Variants in HS6ST3 observed in about 807,000 individuals in gnomAD.
HS6ST3 encodes the protein heparan-sulfate 6-O-sulfotransferase 3.
A neutral mutation model predicts 36.7 loss-of-function variants in HS6ST3; 12 were observed. That is an observed-to-expected ratio of 0.33 (90% confidence interval 0.21 to 0.53). The LOEUF (loss-of-function observed/expected upper bound fraction) is 0.53. HS6ST3 is among the 20% of genes least tolerant of loss of function. The probability of loss-of-function intolerance (pLI) is 0.95; values close to 1 mark genes in which losing one functional copy is unlikely to be tolerated. For missense variants in HS6ST3, 584 were observed against 640.9 expected (o/e 0.91, Z 0.96); for synonymous variants, 240 against 257.5 (o/e 0.93, Z 0.65).
At chr13:96,112,582 T>TAC (rs1321584593) in intron 1 of HS6ST3, among the ~76,000 whole-genome samples, 1,744 of 41,642 alleles carry the variant, frequency 0.042, 249 homozygotes, top group African/African-American at 0.083. Context: ...TAAATAAATA[T>TAC]ATATATATAT....
chr13:96,119,707 C>G (rs2053915764), intron 1 of HS6ST3, among the ~76,000 whole-genome samples: 3 of 152,104 alleles, frequency 2.0e-5, no homozygotes, highest in Non-Finnish European at 4.4e-5. Flanking sequence ...GGAGGCTCCT[C>G]TGTCTATTAT....
chr13:96,189,526 T>C (rs939284218), intron 1 of HS6ST3, among the ~76,000 whole-genome samples: 2 of 152,138 alleles, frequency 1.3e-5, no homozygotes, highest in Non-Finnish European at 2.9e-5. Flanking sequence ...TGTGAGGTCC[T>C]CATCTTGAGG....
chr13:96,750,030 A>G (rs992782002), intron 1 of HS6ST3, among the ~76,000 whole-genome samples: 1 of 152,180 alleles, frequency 6.6e-6, no homozygotes, highest in Non-Finnish European at 1.5e-5. Flanking sequence ...TTGTGTAAAG[A>G]GTTTAGTAAC....
intron 1 of HS6ST3, among the ~76,000 whole-genome samples, chr13:96,350,204 C>T (rs2055174965): frequency 6.6e-6 from 1 of 152,184 alleles, no homozygotes; most frequent in African/African-American, 2.4e-5. Context: ...TGAAATAAAT[C>T]CAATTTTCCA....
intron 1 of HS6ST3, among the ~76,000 whole-genome samples, chr13:96,095,517 G>T (rs1329741631): frequency 6.6e-6 from 1 of 152,166 alleles, no homozygotes; most frequent in East Asian, 1.9e-4. Context: ...CAGCCAGAGG[G>T]GAATTATTGG....
At chr13:96,381,864 G>A (rs1425850192) in intron 1 of HS6ST3, among the ~76,000 whole-genome samples, 1 of 152,138 alleles carries the variant, frequency 6.6e-6, no homozygotes, top group African/African-American at 2.4e-5. Flanking sequence ...TTAGACAGGC[G>A]AGATTAACAG....
chr13:96,754,707 G>A (rs901283739), intron 1 of HS6ST3, among the ~76,000 whole-genome samples: 33 of 152,236 alleles, frequency 2.2e-4, no homozygotes, highest in African/African-American at 7.7e-4. Flanking sequence ...AAAGAAACTT[G>A]GTGACTCTCA....
chr13:96,513,380 C>G (rs1221489420), intron 1 of HS6ST3, among the ~76,000 whole-genome samples: 2 of 151,910 alleles, frequency 1.3e-5, no homozygotes, highest in African/African-American at 4.8e-5. Context: ...TCTCTGCTTT[C>G]TGCTCATTTG....
intron 1 of HS6ST3, among the ~76,000 whole-genome samples, chr13:96,758,300 TTCTC>T (rs1288872070): frequency 1.3e-5 from 2 of 151,966 alleles, no homozygotes; most frequent in African/African-American, 4.8e-5. Flanking sequence ...AATTTGTGCT[TTCTC>T]TCTTTTTCCA....
chr13:96,783,318 A>G (rs1648892136), intron 1 of HS6ST3, among the ~76,000 whole-genome samples: 1 of 152,066 alleles, frequency 6.6e-6, no homozygotes, highest in South Asian at 2.1e-4. Flanking sequence ...TTCTCAATCT[A>G]TTAGGGCATT....
chr13:96,830,241 A>G (rs1878746836), intron 1 of HS6ST3, among the ~76,000 whole-genome samples: 1 of 152,216 alleles, frequency 6.6e-6, no homozygotes, highest in Admixed American at 6.5e-5. Context: ...TGCACTTTCA[A>G]CTTAGGGTGT....
rs575115232 is a variant in HS6ST3 at position 96,773,422 on chromosome 13, A to G, written c.708-59068A>G. Among the ~76,000 whole-genome samples, 40 of 152,210 alleles carry G rather than the reference A, an allele frequency of 2.6e-4. 1 individual carries two copies. The South Asian group carries it at 8.1e-3, about 31-fold the overall frequency. ...TATGGAGCCCTGCAAGCTAAAATCC[A>G]CTGGCTTGAAATTCTCGCTGCCAGC... On this transcript the variant is annotated intron_variant, in intron 1 of 1. Coordinates refer to ENST00000376705, the MANE Select transcript of HS6ST3 (RefSeq NM_153456.4).
chr13:96,510,591 T>A (rs146520973), intron 1 of HS6ST3, among the ~76,000 whole-genome samples: 1 of 152,252 alleles, frequency 6.6e-6, no homozygotes, highest in Non-Finnish European at 1.5e-5. Flanking sequence ...TTCTTGGTGA[T>A]TGATAGCCTT....
At chr13:96,392,728 G>A (rs1031460604) in intron 1 of HS6ST3, among the ~76,000 whole-genome samples, 2 of 152,222 alleles carry the variant, frequency 1.3e-5, no homozygotes, top group African/African-American at 4.8e-5. Context: ...CTGAAGAGCA[G>A]TAAGCATTGG....
At chr13:96,589,282 A>G (rs2056374214) in intron 1 of HS6ST3, among the ~76,000 whole-genome samples, 1 of 151,996 alleles carries the variant, frequency 6.6e-6, no homozygotes, top group Non-Finnish European at 1.5e-5. Flanking sequence ...GTAGGTTGTA[A>G]GCATCAAGGA....
At chr13:96,630,916 A>G (rs969948456) in intron 1 of HS6ST3, among the ~76,000 whole-genome samples, 6 of 152,116 alleles carry the variant, frequency 3.9e-5, no homozygotes, top group African/African-American at 1.4e-4. Context: ...CTTTTTGTGT[A>G]GTGTCTGTTG....
At chr13:96,829,815 A>G (rs898454078) in intron 1 of HS6ST3, among the ~76,000 whole-genome samples, 1 of 152,188 alleles carries the variant, frequency 6.6e-6, no homozygotes, top group Non-Finnish European at 1.5e-5. Context: ...ATACATGTGC[A>G]TGTGTCTATA....
At chr13:96,707,753 G>A (rs754881537) in intron 1 of HS6ST3, among the ~76,000 whole-genome samples, 3 of 152,152 alleles carry the variant, frequency 2.0e-5, no homozygotes, top group Non-Finnish European at 2.9e-5. Flanking sequence ...GACAATCCTA[G>A]TTCTCATGTA....
chr13:96,173,042 AC>A (rs138770567), intron 1 of HS6ST3, among the ~76,000 whole-genome samples: 3,817 of 152,288 alleles, frequency 0.025, 62 homozygotes, highest in East Asian at 0.055. Context: ...AGTAGGTAGA[AC>A]CCTATTCTCA....
Sources: gnomAD v4.1 joint callset for allele counts (sites outside exome capture counted in the v4.1 genomes callset) on GRCh38, gnomAD v4.1.1 for gene constraint, MANE v1.5 for transcripts, NCBI Gene and HGNC (gene_info 2026-07-23, HGNC 2026-07-21) for gene names.